The following ST8SIA1 variants were observed in gnomAD, a reference collection of about 807,000 sequenced individuals.
The protein encoded by ST8SIA1 is ST8 alpha-N-acetyl-neuraminide alpha-2,8-sialyltransferase 1.
Under a neutral mutation model 35.9 loss-of-function variants are expected in ST8SIA1, and 16 were observed. The ratio of observed to expected loss-of-function variants is 0.45; its 90% CI spans 0.30 to 0.68. ST8SIA1 has a LOEUF of 0.68. Ranked by LOEUF, ST8SIA1 falls within the 30% of genes least tolerant of loss-of-function variation. The pLI is 0.09. For missense variants in ST8SIA1, 383 were observed against 453.6 expected, an observed-to-expected ratio of 0.84 and a Z score of 1.41; for synonymous variants, 170 against 169.6, an observed-to-expected ratio of 1.00 and a Z score of -0.02.
In ST8SIA1 at chr12:22,265,708, T is replaced by A. The variant is rs1865839764; in HGVS notation, c.382-10319A>T. Among the ~76,000 whole-genome samples, 4 of 152,286 alleles carry A rather than the reference T, an allele frequency of 2.6e-5. No individual in the cohort carries two copies. In the South Asian group the frequency reaches 8.3e-4, roughly 32 times the overall value. Reference sequence around the variant, plus strand: ...ATTTTTGCTCACCTCTCTCTTAATATCTACGTAACACCTCCCTCTGCAGAG... The same window carrying A: ...ATTTTTGCTCACCTCTCTCTTAATAACTACGTAACACCTCCCTCTGCAGAG... On this transcript the variant is annotated intron_variant, in intron 2 of 4. Coordinates refer to ENST00000396037, the MANE Select transcript of ST8SIA1 (RefSeq NM_003034.4).
chr12:22,214,731 A>C (rs1865216656), intron 4 of ST8SIA1, among the ~76,000 whole-genome samples: 1 of 152,206 alleles, frequency 6.6e-6, no homozygotes, highest in African/African-American at 2.4e-5. Context: ...ATTTGAGATA[A>C]AAATCAAAAG....
intron 1 of ST8SIA1, among the ~76,000 whole-genome samples, chr12:22,297,790 G>C (rs951583578): frequency 5.9e-5 from 9 of 152,086 alleles, no homozygotes; most frequent in Non-Finnish European, 1.3e-4. Flanking sequence ...TGGCATACAA[G>C]TCTTAAAATC....
chr12:22,280,702 A>G (rs2300738), intron 2 of ST8SIA1, among the ~76,000 whole-genome samples: 14,426 of 152,250 alleles, frequency 0.095, 854 homozygotes, highest in East Asian at 0.15. Flanking sequence ...TAAAGTTCCC[A>G]TCAGCTATTC....
chr12:22,233,648 C>A (rs754846856), intron 4 of ST8SIA1, among the ~76,000 whole-genome samples: 3 of 151,890 alleles, frequency 2.0e-5, no homozygotes, highest in Non-Finnish European at 4.4e-5. Context: ...ATCTCTCAAA[C>A]TACTTCTCAA....
At chr12:22,227,068 C>T (rs1865367535) in intron 4 of ST8SIA1, among the ~76,000 whole-genome samples, 1 of 151,938 alleles carries the variant, frequency 6.6e-6, no homozygotes, top group Admixed American at 6.5e-5. Flanking sequence ...GTCTCGGCCT[C>T]CCAAGTAGCT....
intron 2 of ST8SIA1, among the ~76,000 whole-genome samples, chr12:22,267,734 T>G (rs1865864674): frequency 6.6e-6 from 1 of 152,230 alleles, no homozygotes; most frequent in South Asian, 2.1e-4. Context: ...ATATTAAAGA[T>G]GCATATTCTT....
At chr12:22,248,339 C>G (rs1165353095) in intron 4 of ST8SIA1, among the ~76,000 whole-genome samples, 1 of 152,016 alleles carries the variant, frequency 6.6e-6, no homozygotes, top group African/African-American at 2.4e-5. Context: ...CTACAATGAA[C>G]AGTCCTTGGA....
intron 4 of ST8SIA1, among the ~76,000 whole-genome samples, chr12:22,221,030 G>C (rs1042310295): frequency 6.6e-6 from 1 of 152,190 alleles, no homozygotes; most frequent in African/African-American, 2.4e-5. Context: ...GCAGGCTATG[G>C]AGAACTGGAG....
intron 2 of ST8SIA1, among the ~76,000 whole-genome samples, chr12:22,258,358 G>A (rs1245214877): frequency 2.6e-5 from 4 of 152,228 alleles, no homozygotes; most frequent in Non-Finnish European, 4.4e-5. Flanking sequence ...CAGTCAGGGA[G>A]TTGGTCTTTC....
At chr12:22,216,293 C>G (rs1020986547) in intron 4 of ST8SIA1, among the ~76,000 whole-genome samples, 2 of 152,184 alleles carry the variant, frequency 1.3e-5, no homozygotes, top group African/African-American at 2.4e-5. Context: ...TCCTCATCTT[C>G]AGATAAAGTC....
In ST8SIA1 at chr12:22,225,549, T is replaced by C. The variant is rs192423867; in HGVS notation, c.584+23457A>G. On this transcript the variant is annotated intron_variant, in intron 4 of 4. Coordinates refer to ENST00000396037, the MANE Select transcript of ST8SIA1 (RefSeq NM_003034.4). Reference sequence around the variant, plus strand: ...AGTGAAACAAAACTTGAGCTATTAATATTTCTTGTAAACACCTATGTTAAA... The same window carrying C: ...AGTGAAACAAAACTTGAGCTATTAACATTTCTTGTAAACACCTATGTTAAA... 3.3e-4 allele frequency among the ~76,000 whole-genome samples: 51 copies of C among 152,322 alleles called. No individual in the cohort carries two copies. The East Asian group carries it at 9.3e-3, about 28-fold the overall frequency.
chr12:22,286,403 T>C, intron 2 of ST8SIA1: 1 of 515,024 alleles, frequency 1.9e-6, no homozygotes, highest in Admixed American at 2.0e-5. Context: ...ATTCTCTTTC[T>C]GTACAATCAT....
At chr12:22,283,524 G>GAT (rs1866061046) in intron 2 of ST8SIA1, among the ~76,000 whole-genome samples, 1 of 152,162 alleles carries the variant, frequency 6.6e-6, no homozygotes, top group African/African-American at 2.4e-5. Flanking sequence ...TGGGAAGGCT[G>GAT]ATACCATCAC....
At chr12:22,259,929 C>T (rs12813971) in intron 2 of ST8SIA1, among the ~76,000 whole-genome samples, 19,443 of 152,086 alleles carry the variant, frequency 0.13, 1,621 homozygotes, top group Middle Eastern at 0.26. Context: ...GAAGTTTGGT[C>T]ATCCATTGCC....
intron 1 of ST8SIA1, among the ~76,000 whole-genome samples, chr12:22,307,379 C>G (rs575675037): frequency 6.6e-6 from 1 of 152,126 alleles, no homozygotes; most frequent in Non-Finnish European, 1.5e-5. Flanking sequence ...ATGGTTTAAG[C>G]CTAGTTGCTA....
chr12:22,246,150 C>T (rs368963912), intron 4 of ST8SIA1, among the ~76,000 whole-genome samples: 123 of 152,194 alleles, frequency 8.1e-4, no homozygotes, highest in African/African-American at 2.9e-3. Flanking sequence ...GAGGCCTAGA[C>T]TTGTGACTGG....
chr12:22,213,532 T>A (rs546433481), intron 4 of ST8SIA1, among the ~76,000 whole-genome samples: 1 of 152,256 alleles, frequency 6.6e-6, no homozygotes, highest in Admixed American at 6.5e-5. Flanking sequence ...GAGTAAAAAG[T>A]AGCTATGCAA....
At chr12:22,271,175 C>A (rs1865908310) in intron 2 of ST8SIA1, among the ~76,000 whole-genome samples, 1 of 152,100 alleles carries the variant, frequency 6.6e-6, no homozygotes, top group East Asian at 1.9e-4. Context: ...TTAACTGACT[C>A]AGTAAGAAAA....
At chr12:22,292,211 G>A (rs942167312) in intron 1 of ST8SIA1, among the ~76,000 whole-genome samples, 1 of 152,098 alleles carries the variant, frequency 6.6e-6, no homozygotes, top group Non-Finnish European at 1.5e-5. Context: ...AAAGTTCCAT[G>A]AGGAATAAAT....
Sources: allele counts gnomAD v4.1 joint callset (sites outside exome capture counted in the v4.1 genomes callset), GRCh38; gene constraint gnomAD v4.1.1; transcripts MANE v1.5; gene names NCBI Gene and HGNC (gene_info 2026-07-23, HGNC 2026-07-21).